HAUS8: variants seen among roughly 807,000 people sequenced by gnomAD.
The protein encoded by HAUS8 is HAUS augmin like complex subunit 8.
A neutral mutation model predicts 42.9 loss-of-function variants in HAUS8; 38 were observed. That is an observed-to-expected ratio of 0.89 (90% CI 0.68 to 1.16). The LOEUF is 1.16. Ranked by LOEUF, HAUS8 falls within the 50% of genes most tolerant of loss-of-function variation. The probability of loss-of-function intolerance (pLI) is 0.00; values close to 1 mark genes in which losing one functional copy is unlikely to be tolerated. For missense variants in HAUS8, 494 were observed against 511.6 expected (o/e 0.97, Z 0.33); for synonymous variants, 199 against 205.8 (o/e 0.97, Z 0.28).
intron 3 of HAUS8, among the ~76,000 whole-genome samples, chr19:17,067,521 T>C (rs891746055): frequency 7.2e-5 from 11 of 152,008 alleles, no homozygotes; most frequent in Non-Finnish European, 1.5e-4. Flanking sequence ...AAAAGGGGGA[T>C]GCTGACTCCA....
intron 9 of HAUS8, chr19:17,053,664 CTTTT>C (rs34414452): frequency 5.9e-5 from 8 of 135,900 alleles, no homozygotes; most frequent in South Asian, 2.4e-4. Context: ...TTCTTTTTTT[CTTTT>C]TTTTTTTTTT....
At chr19:17,060,562 C>G (rs1043160550) in intron 4 of HAUS8, among the ~76,000 whole-genome samples, 1 of 152,216 alleles carries the variant, frequency 6.6e-6, no homozygotes, top group African/African-American at 2.4e-5. Flanking sequence ...GCACTCGCCA[C>G]CATGCTCAGC....
chr19:17,075,279 C>A lies in HAUS8; in HGVS notation c.29+115G>T. 2.5e-6 allele frequency: 3 copies of A among 1,188,424 alleles called. 1 individual carries two copies. The South Asian group carries it at 3.6e-5, about 14-fold the overall frequency. The allele number at this position is 1,188,424 out of a possible 1,614,324, so 73.6% of individuals were successfully genotyped here. Reference sequence around the variant, plus strand: ...GGGGTCTTCAGGGGCCCGCGCAGTTCCTGGCGGGGTCGAACCCGAACTCAC... The same window carrying A: ...GGGGTCTTCAGGGGCCCGCGCAGTTACTGGCGGGGTCGAACCCGAACTCAC... On this transcript the variant is annotated intron_variant, in intron 1 of 10. Coordinates refer to ENST00000253669, the MANE Select transcript of HAUS8 (RefSeq NM_033417.2).
upstream of HAUS8, chr19:17,075,524 G>T: frequency 7.6e-7 from 1 of 1,307,514 alleles, no homozygotes; most frequent in Non-Finnish European, 1.1e-6. Context: ...AGGAGGGGTG[G>T]CTGCGAGGCG....
intron 1 of HAUS8, 68 bp downstream of exon 1, chr19:17,075,326 C>G (rs2305751): frequency 1.5e-5 from 23 of 1,574,198 alleles, no homozygotes; most frequent in Non-Finnish European, 2.0e-5. Flanking sequence ...TAACTCCCCA[C>G]CTCCGCTGCC....
intron 9 of HAUS8, chr19:17,055,135 AAAAAAAAAATATATATATATATATAT>A (rs2057313605): frequency 2.6e-5 from 1 of 38,194 alleles, no homozygotes; most frequent in African/African-American, 1.1e-4. Context: ...AAAAAAAAAA[AAAAAAAAAATATATATATATATATAT>A]ATATATATAT....
At position 17,050,073 on chromosome 19, in the gene HAUS8, G is replaced by A. The variant is rs141662392; in HGVS notation, c.1033C>T (p.Arg345Trp). 56 of 1,603,182 alleles carry A rather than the reference G, an allele frequency of 3.5e-5. No homozygotes were observed. The highest frequency in any genetic ancestry group is 2.3e-4 in the East Asian group (10 of 43,730). The stretch of plus-strand genomic sequence containing the variant: ...GCACTGTCTTGATTGAAATACCACC[G>A]GCTGGGGGGCGCCATGCCCTGGGTC... ...EETQGMAPPS[R>W]WYFNQDSACR... The change falls in exon 11 of 11, where the codon CGG becomes TGG. Residue 345 changes from arginine (R) to tryptophan (W), a missense_variant. Physicochemically the swap from Arg to Trp is moderately radical, Grantham distance 101. Coordinates refer to ENST00000253669, the MANE Select transcript of HAUS8 (RefSeq NM_033417.2).
chr19:17,064,698 C>T (rs1382695792), intron 3 of HAUS8, among the ~76,000 whole-genome samples: 1 of 152,196 alleles, frequency 6.6e-6, no homozygotes, highest in South Asian at 2.1e-4. Flanking sequence ...TTAAACATCA[C>T]ACCATACACA....
At chr19:17,066,285 C>T (rs996564148) in intron 3 of HAUS8, among the ~76,000 whole-genome samples, 8 of 152,062 alleles carry the variant, frequency 5.3e-5, no homozygotes, top group Admixed American at 1.3e-4. Flanking sequence ...ATTTCAGAGA[C>T]GGGGTCTCGC....
chr19:17,056,023 CA>C (rs2057324107), intron 8 of HAUS8, 21 bp from the exon 9 acceptor site: 1 of 1,613,354 alleles, frequency 6.2e-7, no homozygotes, highest in Non-Finnish European at 8.5e-7. Flanking sequence ...AAGGGATAAT[CA>C]GGGGAGACCC....
chr19:17,063,732 AAGG>A (rs2057373681), intron 3 of HAUS8, among the ~76,000 whole-genome samples: 2 of 152,120 alleles, frequency 1.3e-5, no homozygotes, highest in South Asian at 4.1e-4. Flanking sequence ...AAAACAGTGG[AAGG>A]AGGAGAAATT....
chr19:17,059,810 C>T (rs1233603797), intron 5 of HAUS8, among the ~76,000 whole-genome samples, 159 bp from the exon 6 acceptor site: 1 of 151,944 alleles, frequency 6.6e-6, no homozygotes, highest in Non-Finnish European at 1.5e-5. Flanking sequence ...TTCAACTTTG[C>T]AAGGGGCAAA....
At position 17,072,338 on chromosome 19, in the gene HAUS8, C is replaced by T. The variant is rs111613418; in HGVS notation, c.91+936G>A. ...ATCTACCATGCAAGCCGAGCATTTC[C>T]TTTTTTTTTTTTTTTTTTTTTTTGA... On this transcript the variant is annotated intron_variant, in intron 2 of 10. Transcript: ENST00000253669. Among the ~76,000 whole-genome samples, 89 of 87,546 alleles carry T rather than the reference C, an allele frequency of 1.0e-3. 2 individuals carry two copies. The highest frequency in any genetic ancestry group is 4.1e-3 in the African/African-American group (83 of 20,180). The allele number at this position is 87,546 out of a possible 152,430, so 57.4% of individuals were successfully genotyped here.
intron 2 of HAUS8, among the ~76,000 whole-genome samples, chr19:17,072,070 C>T (rs565540561): frequency 2.0e-5 from 3 of 152,242 alleles, no homozygotes; most frequent in South Asian, 4.1e-4. Context: ...TGTCCAAGAA[C>T]GAGGTAGCTC....
At chr19:17,051,315 T>C (rs761395316) in intron 10 of HAUS8, among the ~76,000 whole-genome samples, 52 of 151,692 alleles carry the variant, frequency 3.4e-4, no homozygotes, top group Admixed American at 1.8e-3. Flanking sequence ...GATTTAGCAT[T>C]GTAAAAAAGA....
At chr19:17,058,736 A>T (rs1356408616) in intron 7 of HAUS8, 29 bp from the exon 8 acceptor site, 1 of 1,603,680 alleles carries the variant, frequency 6.2e-7, no homozygotes, top group East Asian at 2.2e-5. Context: ...AAGCTCAAGC[A>T]GGTGGGGACT....
At chr19:17,052,766 C>T in intron 10 of HAUS8, 59 bp downstream of exon 10, 2 of 1,596,156 alleles carry the variant, frequency 1.3e-6, no homozygotes, top group South Asian at 1.1e-5. Context: ...ACAGTGCAGC[C>T]ACCAACAGCC....
intron 3 of HAUS8, among the ~76,000 whole-genome samples, chr19:17,068,305 G>T (rs1234528457): frequency 1.3e-5 from 2 of 151,676 alleles, no homozygotes; most frequent in Non-Finnish European, 2.9e-5. Context: ...GTTGAGACGG[G>T]GTTTCGCCAT....
At chr19:17,064,570 C>T (rs192997402) in intron 3 of HAUS8, among the ~76,000 whole-genome samples, 72 of 152,244 alleles carry the variant, frequency 4.7e-4, no homozygotes, top group Non-Finnish European at 6.8e-4. Context: ...TGTGCACATA[C>T]ATGGTCAACT....
Sources: gnomAD v4.1 joint callset for allele counts (sites outside exome capture counted in the v4.1 genomes callset) on GRCh38, gnomAD v4.1.1 for gene constraint, MANE v1.5 for transcripts, NCBI Gene and HGNC (gene_info 2026-07-23, HGNC 2026-07-21) for gene names.